The following GFRA1 variants were observed in gnomAD, a reference collection of about 807,000 sequenced individuals.
GFRA1 encodes the protein GDNF family receptor alpha 1, also known as GDNF family receptor alpha-1.
Under a neutral mutation model 51.6 loss-of-function variants are expected in GFRA1, and 16 were observed. That is an observed-to-expected ratio of 0.31 (90% CI 0.21 to 0.47). GFRA1 has a LOEUF of 0.47. GFRA1 is among the 20% of genes least tolerant of loss of function. GFRA1 has a pLI of 1.00. For missense variants in GFRA1, 530 were observed against 594.3 expected (o/e 0.89, Z 1.13); for synonymous variants, 270 against 241.3 (o/e 1.12, Z -1.10).
intron 5 of GFRA1, among the ~76,000 whole-genome samples, chr10:116,159,204 T>G (rs1959487099): frequency 6.6e-6 from 1 of 152,082 alleles, no homozygotes; most frequent in Admixed American, 6.5e-5. Flanking sequence ...GTAGACCACT[T>G]TAGTTACCTT....
intron 5 of GFRA1, among the ~76,000 whole-genome samples, chr10:116,204,000 C>T (rs1214058286): frequency 6.6e-6 from 1 of 152,192 alleles, no homozygotes; most frequent in Non-Finnish European, 1.5e-5. Context: ...AAGCCTGGGT[C>T]TGGCGTAGAA....
intron 5 of GFRA1, among the ~76,000 whole-genome samples, chr10:116,163,502 A>G (rs1456806559): frequency 6.6e-6 from 1 of 152,202 alleles, no homozygotes; most frequent in African/African-American, 2.4e-5. Flanking sequence ...GCTAAGTGCA[A>G]ACTCCAAGCA....
At chr10:116,151,005 T>A (rs200935917) in intron 5 of GFRA1, among the ~76,000 whole-genome samples, 2 of 144,462 alleles carry the variant, frequency 1.4e-5, no homozygotes, top group East Asian at 3.9e-4. Context: ...TGAGCTGCAC[T>A]TTTTTTTTTT....
chr10:116,228,429 C>T (rs1966455016), intron 4 of GFRA1, among the ~76,000 whole-genome samples: 2 of 152,130 alleles, frequency 1.3e-5, no homozygotes, highest in Admixed American at 1.3e-4. Flanking sequence ...ACCAATGCCC[C>T]CTGCCCAAGA....
chr10:116,191,526 C>G (rs892874372), intron 5 of GFRA1, among the ~76,000 whole-genome samples: 1 of 152,148 alleles, frequency 6.6e-6, no homozygotes, highest in African/African-American at 2.4e-5. Context: ...TTAATTGTAA[C>G]TCTACCTTTT....
chr10:116,232,118 T>TA (rs1966715895), intron 4 of GFRA1, among the ~76,000 whole-genome samples: 1 of 152,212 alleles, frequency 6.6e-6, no homozygotes, highest in Non-Finnish European at 1.5e-5. Flanking sequence ...GAGTTTCAGG[T>TA]AAGAGTGCCG....
intron 4 of GFRA1, among the ~76,000 whole-genome samples, chr10:116,221,948 C>T (rs928334708): frequency 1.3e-5 from 2 of 152,050 alleles, no homozygotes; most frequent in Non-Finnish European, 2.9e-5. Context: ...GGGGAAAGGA[C>T]GTCCTGCTGG....
At chr10:116,240,822 T>C (rs1360659122) in intron 4 of GFRA1, among the ~76,000 whole-genome samples, 1 of 152,082 alleles carries the variant, frequency 6.6e-6, no homozygotes, top group African/African-American at 2.4e-5. Context: ...AACGAATGAA[T>C]AGCAGCTAAC....
chr10:116,205,687 G>T (rs946325578), intron 5 of GFRA1, among the ~76,000 whole-genome samples: 1 of 150,600 alleles, frequency 6.6e-6, no homozygotes, highest in Non-Finnish European at 1.5e-5. Flanking sequence ...AAATCTAAAA[G>T]TTTCCTTCTT....
At position 116,062,448 on chromosome 10, in the gene GFRA1, G is replaced by C. The variant is rs1954861706; in HGVS notation, c.*1950C>G. The C allele has an allele frequency of 4.0e-6, 1 of 247,144 alleles. No homozygotes were observed. Among genetic ancestry groups the C allele is most frequent in the African/African-American group, 2.2e-5 (1 of 45,080 alleles). 15.3% of individuals were successfully genotyped at this position (247,144 alleles called of 1,614,324 possible). A position where few individuals can be genotyped will look rare whatever the true frequency, so the allele number is the denominator to read the frequency against. On this transcript the variant is annotated 3_prime_UTR_variant, in exon 11 of 11. Coordinates refer to ENST00000355422, the MANE Select transcript of GFRA1 (RefSeq NM_005264.8). ...TTTTGAAGTGAAAAAAGTCAGTACT[G>C]AGTACTGTACATTTGTGTTGATTAA...
At chr10:116,250,234 G>A (rs902886580) in intron 4 of GFRA1, among the ~76,000 whole-genome samples, 2 of 152,182 alleles carry the variant, frequency 1.3e-5, no homozygotes, top group African/African-American at 4.8e-5. Context: ...GTATTCAGGG[G>A]TTGAACCTTC....
Position 116,062,207 on chromosome 10 carries a change from T to C in GFRA1, c.*2191A>G, listed in dbSNP as rs1012221168. On this transcript the variant is annotated 3_prime_UTR_variant, in exon 11 of 11. Transcript: ENST00000355422. ...CAGTAGCTTTCTACAGTGGATCACA[T>C]AGAATCAGATCCCTATGAAATTAGT... 4 of 398,324 alleles carry C rather than the reference T, an allele frequency of 1.0e-5. No homozygotes were observed. The highest frequency in any genetic ancestry group is 6.2e-5 in the African/African-American group (3 of 48,616). 24.7% of individuals were successfully genotyped at this position (398,324 alleles called of 1,614,324 possible). A position where few individuals can be genotyped will look rare whatever the true frequency, so the allele number is the denominator to read the frequency against.
chr10:116,071,042 T>C (rs901723286), intron 9 of GFRA1, among the ~76,000 whole-genome samples: 1 of 152,212 alleles, frequency 6.6e-6, no homozygotes, highest in Non-Finnish European at 1.5e-5. Flanking sequence ...CTGGGGTGTT[T>C]TTCTTCCAGA....
chr10:116,153,214 G>A (rs1009987262), intron 5 of GFRA1, among the ~76,000 whole-genome samples: 3 of 152,212 alleles, frequency 2.0e-5, no homozygotes, highest in South Asian at 2.1e-4. Context: ...GGTTGGACAC[G>A]AAGGTTCTCA....
chr10:116,067,527 G>T (rs552526869), intron 9 of GFRA1, among the ~76,000 whole-genome samples: 2 of 152,190 alleles, frequency 1.3e-5, no homozygotes, highest in Admixed American at 6.5e-5. Flanking sequence ...TCCAAGGGCT[G>T]GGAAGGCCTC....
chr10:116,076,755 G>A (rs1451703084), intron 9 of GFRA1, among the ~76,000 whole-genome samples: 1 of 152,134 alleles, frequency 6.6e-6, no homozygotes, highest in African/African-American at 2.4e-5. Context: ...AGGGTCCTGG[G>A]ACCTAATTCC....
intron 4 of GFRA1, among the ~76,000 whole-genome samples, chr10:116,221,995 G>A (rs1456237969): frequency 6.6e-6 from 1 of 152,084 alleles, no homozygotes; most frequent in South Asian, 2.1e-4. Flanking sequence ...GAGTAAGGAA[G>A]GGGAGAACAA....
intron 5 of GFRA1, among the ~76,000 whole-genome samples, chr10:116,204,591 G>T (rs1331484812): frequency 1.3e-5 from 2 of 152,176 alleles, no homozygotes; most frequent in African/African-American, 2.4e-5. Flanking sequence ...AAGTATTACA[G>T]AAGTGCTCAA....
intron 5 of GFRA1, among the ~76,000 whole-genome samples, chr10:116,210,548 G>A (rs1346112027): frequency 6.6e-6 from 1 of 152,094 alleles, no homozygotes; most frequent in African/African-American, 2.4e-5. Flanking sequence ...ATAGCTTGTT[G>A]GGATTTATAA....
Sources: allele counts gnomAD v4.1 joint callset (sites outside exome capture counted in the v4.1 genomes callset), GRCh38; gene constraint gnomAD v4.1.1; transcripts MANE v1.5; gene names NCBI Gene and HGNC (gene_info 2026-07-23, HGNC 2026-07-21).